Variants in TMTC2 observed in about 807,000 individuals in gnomAD.
The protein encoded by TMTC2 is protein O-mannosyl-transferase TMTC2.
TMTC2 carries 43 observed loss-of-function variants against 82.4 expected under a neutral mutation model. That is an observed-to-expected ratio of 0.52 (90% CI 0.41 to 0.67). The LOEUF is 0.67. Ranked by LOEUF, TMTC2 falls within the 30% of genes least tolerant of loss-of-function variation. The probability of loss-of-function intolerance (pLI) is 0.00; values close to 1 mark genes in which losing one functional copy is unlikely to be tolerated. For missense variants in TMTC2, 919 were observed against 1,012.4 expected (o/e 0.91, Z 1.25); for synonymous variants, 408 against 381.9 (o/e 1.07, Z -0.80).
intron 1 of TMTC2, among the ~76,000 whole-genome samples, chr12:82,732,662 G>A (rs1307148011): frequency 1.3e-5 from 2 of 152,284 alleles, no homozygotes; most frequent in Middle Eastern, 3.4e-3. Context: ...CATCTTTAAG[G>A]CTAAGGGAAT....
intron 1 of TMTC2, among the ~76,000 whole-genome samples, chr12:82,772,838 T>C (rs1877380925): frequency 6.6e-6 from 1 of 152,216 alleles, no homozygotes; most frequent in African/African-American, 2.4e-5. Context: ...GCTAATGATC[T>C]GTGGAAATTA....
chr12:82,707,355 C>T (rs1392437638), intron 1 of TMTC2, among the ~76,000 whole-genome samples: 2 of 152,166 alleles, frequency 1.3e-5, no homozygotes, highest in Admixed American at 1.3e-4. Context: ...CTCCAAATAC[C>T]ATTACACTGG....
intron 7 of TMTC2, among the ~76,000 whole-genome samples, chr12:82,983,844 C>A (rs1178269372): frequency 6.6e-6 from 1 of 151,766 alleles, no homozygotes; most frequent in Non-Finnish European, 1.5e-5. Flanking sequence ...TTACATTGTT[C>A]AGTATTTTAG....
At chr12:82,880,539 T>G (rs897557266) in intron 2 of TMTC2, among the ~76,000 whole-genome samples, 2 of 152,168 alleles carry the variant, frequency 1.3e-5, no homozygotes, top group Non-Finnish European at 2.9e-5. Flanking sequence ...AGCCAGAGAT[T>G]CCAGTCAGTT....
intron 2 of TMTC2, among the ~76,000 whole-genome samples, chr12:82,886,640 G>A (rs929599244): frequency 1.1e-4 from 16 of 152,116 alleles, no homozygotes; most frequent in South Asian, 1.0e-3. Flanking sequence ...TATTTTTTGC[G>A]ATACCAAACA....
intron 3 of TMTC2, among the ~76,000 whole-genome samples, chr12:82,910,869 GT>G (rs961953898): frequency 1.3e-5 from 2 of 149,220 alleles, no homozygotes; most frequent in South Asian, 2.1e-4. Context: ...TCTCTGGGTT[GT>G]TTTTTTCTTT....
intron 4 of TMTC2, among the ~76,000 whole-genome samples, chr12:82,958,354 C>CAAAAAAAAAAAAAAAAAAAAAAAA (rs750819932): frequency 5.0e-5 from 1 of 19,954 alleles, no homozygotes; most frequent in African/African-American, 2.4e-4. Context: ...GAGTCTGTCT[C>CAAAAAAAAAAAAAAAAAAAAAAAA]AAAAAAAAAA....
intron 4 of TMTC2, among the ~76,000 whole-genome samples, chr12:82,938,175 A>G (rs1876512989): frequency 6.6e-6 from 1 of 151,832 alleles, no homozygotes; most frequent in Admixed American, 6.6e-5. Flanking sequence ...CAGCCTCCCA[A>G]AGTACTGGGA....
chr12:82,690,059 C>T (rs1459278563), intron 1 of TMTC2, among the ~76,000 whole-genome samples: 1 of 152,094 alleles, frequency 6.6e-6, no homozygotes, highest in African/African-American at 2.4e-5. Flanking sequence ...GAGCACTGAA[C>T]TTATTTGTTG....
chr12:82,989,198 A>T (rs1209443521), intron 8 of TMTC2, among the ~76,000 whole-genome samples: 3 of 152,070 alleles, frequency 2.0e-5, no homozygotes, highest in Non-Finnish European at 4.4e-5. Context: ...TAATGAAATC[A>T]TCTTATATGC....
At position 82,728,322 on chromosome 12, in the gene TMTC2, T is replaced by C. The variant is rs796068551; in HGVS notation, c.83+40653T>C. Among the ~76,000 whole-genome samples the C allele has an allele frequency of 5.9e-5, 9 of 152,260 alleles. 1 individual carries two copies. The highest frequency in any genetic ancestry group is 1.9e-4 in the African/African-American group (8 of 41,562). The stretch of plus-strand genomic sequence containing the variant: ...TACTTAAAATTAATTTATGATTATT[T>C]AAGTTTCTTAGTTTTTATAAAAAGG... On this transcript the variant is annotated intron_variant, in intron 1 of 11. Transcript: ENST00000321196.
At chr12:82,730,440 C>T (rs1565725637) in intron 1 of TMTC2, among the ~76,000 whole-genome samples, 1 of 151,152 alleles carries the variant, frequency 6.6e-6, no homozygotes, top group Non-Finnish European at 1.5e-5. Context: ...GACTTGAGTT[C>T]AAGCTTTGCT....
chr12:82,710,585 C>T, intron 1 of TMTC2, among the ~76,000 whole-genome samples: 1 of 152,188 alleles, frequency 6.6e-6, no homozygotes, highest in Non-Finnish European at 1.5e-5. Context: ...GAACATGATA[C>T]ATGAGTAATG....
chr12:82,990,930 T>C (rs1184466680), intron 8 of TMTC2, among the ~76,000 whole-genome samples: 1 of 151,942 alleles, frequency 6.6e-6, no homozygotes, highest in East Asian at 1.9e-4. Flanking sequence ...TGAAAAAAAA[T>C]GAATGAGGGT....
At chr12:82,765,266 T>C (rs1876885148) in intron 1 of TMTC2, among the ~76,000 whole-genome samples, 1 of 152,236 alleles carries the variant, frequency 6.6e-6, no homozygotes, top group African/African-American at 2.4e-5. Context: ...TATATGATAT[T>C]ACTCAATCAT....
At chr12:82,989,848 C>T (rs1879327754) in intron 8 of TMTC2, among the ~76,000 whole-genome samples, 1 of 151,788 alleles carries the variant, frequency 6.6e-6, no homozygotes, top group Non-Finnish European at 1.5e-5. Context: ...TTAATCCCCC[C>T]CACCAAGACT....
chr12:82,811,401 T>C (rs1868381430), intron 1 of TMTC2, among the ~76,000 whole-genome samples: 1 of 152,056 alleles, frequency 6.6e-6, no homozygotes, highest in African/African-American at 2.4e-5. Context: ...ATTAATTAAT[T>C]AGGTTTTGGC....
intron 1 of TMTC2, among the ~76,000 whole-genome samples, chr12:82,734,994 G>C (rs1353883531): frequency 1.3e-5 from 2 of 152,122 alleles, no homozygotes; most frequent in South Asian, 2.1e-4. Flanking sequence ...GTGGTATATT[G>C]GGAACAGTCT....
intron 11 of TMTC2, among the ~76,000 whole-genome samples, chr12:83,073,458 G>C (rs540847701): frequency 1.5e-4 from 23 of 152,196 alleles, no homozygotes; most frequent in African/African-American, 5.5e-4. Context: ...ATGTGTCTAG[G>C]TGAAAATCTT....
Sources: gnomAD v4.1 joint callset for allele counts (sites outside exome capture counted in the v4.1 genomes callset) on GRCh38, gnomAD v4.1.1 for gene constraint, MANE v1.5 for transcripts, NCBI Gene and HGNC (gene_info 2026-07-23, HGNC 2026-07-21) for gene names.